The following NLGN1 variants were observed in gnomAD, a reference collection of about 807,000 sequenced individuals.
NLGN1 encodes the protein neuroligin-1.
In NLGN1, 12 loss-of-function variants were observed where a neutral mutation model predicts 65.5. The observed-to-expected ratio is 0.18, with a 90% CI of 0.12 to 0.30. The LOEUF is 0.30. Among genes scored for constraint, NLGN1 ranks in the 10% least tolerant of loss-of-function variants. The pLI is 1.00. For synonymous variants in NLGN1, 350 were observed against 359.5 expected, an observed-to-expected ratio of 0.97 and a Z score of 0.30; for missense variants, 750 against 1,007.1, an observed-to-expected ratio of 0.74 and a Z score of 3.46.
chr3:173,896,724 T>C (rs1178034062), intron 4 of NLGN1, among the ~76,000 whole-genome samples: 1 of 152,126 alleles, frequency 6.6e-6, no homozygotes, highest in Non-Finnish European at 1.5e-5. Flanking sequence ...CTGACATGCT[T>C]CATTTTAAAG....
chr3:173,639,769 GTTTGTCCTCAGGGAATGCTGCACA>G (rs1355416486), intron 3 of NLGN1, among the ~76,000 whole-genome samples: 1 of 152,114 alleles, frequency 6.6e-6, no homozygotes, highest in African/African-American at 2.4e-5. Flanking sequence ...TAAGGAAATG[GTTTGTCCTCAGGGAATGCTGCACA>G]TTTTATAATG....
chr3:173,889,988 G>GGTGT (rs140428383), intron 4 of NLGN1, among the ~76,000 whole-genome samples: 155 of 147,734 alleles, frequency 1.0e-3, no homozygotes, highest in Admixed American at 3.5e-3. Context: ...TATGTATGAG[G>GGTGT]GTGTGTGTGT....
chr3:174,020,584 A>C (rs1727555613), intron 4 of NLGN1, among the ~76,000 whole-genome samples: 1 of 152,150 alleles, frequency 6.6e-6, no homozygotes, highest in African/African-American at 2.4e-5. Flanking sequence ...TTTTAGTAAC[A>C]GGTTGAGGAT....
chr3:173,780,002 A>C (rs1001881671), intron 3 of NLGN1, among the ~76,000 whole-genome samples: 2 of 152,150 alleles, frequency 1.3e-5, no homozygotes, highest in African/African-American at 4.8e-5. Context: ...ATTTACCTAC[A>C]AGGTCTGTGA....
chr3:173,445,200 G>A (rs1477806292), intron 2 of NLGN1, among the ~76,000 whole-genome samples: 1 of 148,400 alleles, frequency 6.7e-6, no homozygotes, highest in Non-Finnish European at 1.5e-5. Flanking sequence ...CCCGGGAGGC[G>A]GAGCTTGCAG....
chr3:174,109,040 G>A (rs116094925), intron 4 of NLGN1, among the ~76,000 whole-genome samples: 7 of 151,676 alleles, frequency 4.6e-5, no homozygotes, highest in African/African-American at 1.7e-4. Flanking sequence ...AAATTTTAAA[G>A]AACTATTTGA....
At chr3:174,150,936 A>G (rs967588052) in intron 4 of NLGN1, among the ~76,000 whole-genome samples, 3 of 152,074 alleles carry the variant, frequency 2.0e-5, no homozygotes, top group African/African-American at 7.2e-5. Context: ...CAAACTAGCC[A>G]TACTCTATCT....
At chr3:174,063,625 C>T (rs1737871778) in intron 4 of NLGN1, among the ~76,000 whole-genome samples, 1 of 149,738 alleles carries the variant, frequency 6.7e-6, no homozygotes, top group East Asian at 2.0e-4. Flanking sequence ...ATATACAGTA[C>T]TAAAATTTGT....
chr3:173,671,833 A>AT (rs1278265764), intron 3 of NLGN1, among the ~76,000 whole-genome samples: 1 of 152,176 alleles, frequency 6.6e-6, no homozygotes, highest in Non-Finnish European at 1.5e-5. Context: ...TTAAAATGTT[A>AT]TTTTTAATGC....
At chr3:174,123,616 A>G (rs7649627) in intron 4 of NLGN1, among the ~76,000 whole-genome samples, 43,896 of 151,818 alleles carry the variant, frequency 0.29, 8,509 homozygotes, top group African/African-American at 0.56. Flanking sequence ...TCCCTTTCAT[A>G]TATTCCCGCT....
At chr3:173,440,749 G>A (rs1719010614) in intron 2 of NLGN1, among the ~76,000 whole-genome samples, 1 of 152,116 alleles carries the variant, frequency 6.6e-6, no homozygotes, top group Non-Finnish European at 1.5e-5. Context: ...AGTAGATTTA[G>A]CATAATTCGT....
intron 4 of NLGN1, among the ~76,000 whole-genome samples, chr3:173,914,608 C>A (rs1322069686): frequency 6.6e-6 from 1 of 151,906 alleles, no homozygotes; most frequent in Non-Finnish European, 1.5e-5. Flanking sequence ...GGACCAAGTA[C>A]AAGGTAGAGA....
In NLGN1 at chr3:173,646,499, A is replaced by G. The variant is rs182417067; in HGVS notation, c.493+41408A>G. 2.3e-3 allele frequency among the ~76,000 whole-genome samples: 346 copies of G among 152,336 alleles called. 1 individual carries two copies. The highest frequency in any genetic ancestry group is 4.4e-3 in the Non-Finnish European group (298 of 68,020). On this transcript the variant is annotated intron_variant, in intron 3 of 6. Transcript: ENST00000457714. ...CCTGGATGCTAGAAGAAAAGATTTG[A>G]AGTGTTTCCAACACAAAAAATAATA... is the stretch of plus-strand genomic sequence containing the variant.
At chr3:174,115,968 C>T (rs1030613621) in intron 4 of NLGN1, among the ~76,000 whole-genome samples, 3 of 152,056 alleles carry the variant, frequency 2.0e-5, no homozygotes, top group African/African-American at 4.8e-5. Context: ...AAAAATGTTC[C>T]CATAGTGAAT....
intron 2 of NLGN1, among the ~76,000 whole-genome samples, chr3:173,583,807 C>T (rs1746801732): frequency 6.6e-6 from 1 of 152,182 alleles, no homozygotes; most frequent in Non-Finnish European, 1.5e-5. Flanking sequence ...CACAGGCTTA[C>T]AGGAGCTATC....
chr3:174,260,741 G>A (rs372798359), intron 4 of NLGN1, among the ~76,000 whole-genome samples: 4 of 149,058 alleles, frequency 2.7e-5, no homozygotes, highest in East Asian at 2.1e-4. Flanking sequence ...TTGGTGTTTT[G>A]GACATGAAGT....
chr3:174,122,264 A>G (rs758555919), intron 4 of NLGN1, among the ~76,000 whole-genome samples: 10 of 152,194 alleles, frequency 6.6e-5, no homozygotes, highest in Non-Finnish European at 1.5e-4. Context: ...TATAGCAGAT[A>G]ACCTCTTTGA....
chr3:173,598,205 T>G (rs559938348), intron 2 of NLGN1, among the ~76,000 whole-genome samples: 152 of 152,276 alleles, frequency 1.0e-3, no homozygotes, highest in African/African-American at 3.5e-3. Context: ...CACTGCACAT[T>G]GAAAATGAAC....
intron 4 of NLGN1, among the ~76,000 whole-genome samples, chr3:174,055,585 T>G (rs943373331): frequency 4.6e-5 from 7 of 152,010 alleles, no homozygotes; most frequent in African/African-American, 1.7e-4. Flanking sequence ...TTAGGCACTC[T>G]AGGAAAATTC....
Sources: allele counts gnomAD v4.1 joint callset (sites outside exome capture counted in the v4.1 genomes callset), GRCh38; gene constraint gnomAD v4.1.1; transcripts MANE v1.5; gene names NCBI Gene and HGNC (gene_info 2026-07-23, HGNC 2026-07-21).